RIMS2: variants seen among roughly 807,000 people sequenced by gnomAD.
The protein encoded by RIMS2 is regulating synaptic membrane exocytosis protein 2.
Under a neutral mutation model 174.4 loss-of-function variants are expected in RIMS2, and 59 were observed. That is an observed-to-expected ratio of 0.34 (90% confidence interval 0.27 to 0.42). The LOEUF (loss-of-function observed/expected upper bound fraction) is 0.42, where lower values mean the gene tolerates loss of function less well. Ranked by LOEUF, RIMS2 falls within the 10% of genes least tolerant of loss-of-function variation. The probability of loss-of-function intolerance (pLI) is 1.00; values close to 1 mark genes in which losing one functional copy is unlikely to be tolerated. For synonymous variants in RIMS2, 606 were observed against 572.5 expected (o/e 1.06, Z -0.84); for missense variants, 1,620 against 1,666.3 (o/e 0.97, Z 0.48).
intron 3 of RIMS2, among the ~76,000 whole-genome samples, chr8:103,869,777 G>A (rs79379248): frequency 0.012 from 1,898 of 152,262 alleles, 123 homozygotes; most frequent in Admixed American, 0.11. Flanking sequence ...TAAAAATGGG[G>A]TCTTTGTTGA....
At chr8:104,145,818 G>A (rs944837204) in intron 19 of RIMS2, among the ~76,000 whole-genome samples, 8 of 151,586 alleles carry the variant, frequency 5.3e-5, no homozygotes, top group Non-Finnish European at 1.0e-4. Flanking sequence ...GCTAGATCGC[G>A]CCATTGCACT....
chr8:103,726,881 G>A (rs1276519330), intron 2 of RIMS2, among the ~76,000 whole-genome samples: 2 of 150,794 alleles, frequency 1.3e-5, no homozygotes, highest in Non-Finnish European at 3.0e-5. Flanking sequence ...TGGGATTATA[G>A]GCACGTGCCA....
chr8:103,857,505 T>C (rs1193083853), intron 3 of RIMS2, among the ~76,000 whole-genome samples: 1 of 152,174 alleles, frequency 6.6e-6, no homozygotes, highest in Non-Finnish European at 1.5e-5. Context: ...GTTGTGAAGC[T>C]TACATTTTGC....
intron 2 of RIMS2, among the ~76,000 whole-genome samples, chr8:103,752,696 C>A (rs374111324): frequency 2.6e-5 from 4 of 152,124 alleles, no homozygotes; most frequent in African/African-American, 9.7e-5. Flanking sequence ...TTTGAAGCAA[C>A]TGTGAATGGG....
At chr8:103,682,242 GA>G (rs1228284875) in intron 1 of RIMS2, among the ~76,000 whole-genome samples, 1 of 152,026 alleles carries the variant, frequency 6.6e-6, no homozygotes, top group Non-Finnish European at 1.5e-5. Flanking sequence ...TATATAGGTG[GA>G]AGTTGAAGCC....
intron 19 of RIMS2, among the ~76,000 whole-genome samples, chr8:104,020,601 A>AG (rs1161593321): frequency 1.3e-5 from 2 of 152,012 alleles, no homozygotes; most frequent in Non-Finnish European, 2.9e-5. Flanking sequence ...GATCATGTTA[A>AG]GGGAAAGGAT....
At chr8:103,958,230 GAAC>G (rs546391733) in intron 14 of RIMS2, among the ~76,000 whole-genome samples, 5 of 152,248 alleles carry the variant, frequency 3.3e-5, no homozygotes, top group Admixed American at 6.5e-5. Flanking sequence ...CCATAAAAAA[GAAC>G]AACATCATGT....
At chr8:104,188,220 C>CAGATAGATAGATAGATAGATGAT (rs2098978437) in intron 19 of RIMS2, among the ~76,000 whole-genome samples, 13 of 87,060 alleles carry the variant, frequency 1.5e-4, no homozygotes, top group African/African-American at 5.4e-4. Flanking sequence ...ATGGTTTGTT[C>CAGATAGATAGATAGATAGATGAT]AGATAGATAG....
chr8:104,093,347 C>T, intron 19 of RIMS2, 124 bp from the exon 24 acceptor site: 1 of 611,452 alleles, frequency 1.6e-6, no homozygotes, highest in East Asian at 2.9e-5. Context: ...GTTTTATATG[C>T]AACTGAGTGG....
chr8:104,066,290 A>G (rs912728159), intron 19 of RIMS2, among the ~76,000 whole-genome samples: 6 of 152,174 alleles, frequency 3.9e-5, no homozygotes, highest in Non-Finnish European at 5.9e-5. Flanking sequence ...GAATTTTAAT[A>G]TAGCTTTCCT....
At chr8:104,222,352 A>G (rs1392279633) in intron 19 of RIMS2, among the ~76,000 whole-genome samples, 3 of 152,212 alleles carry the variant, frequency 2.0e-5, no homozygotes, top group African/African-American at 7.2e-5. Flanking sequence ...ATCTTTCAGC[A>G]TATCAAGCAA....
At chr8:104,026,986 G>C (rs2096270847) in intron 19 of RIMS2, among the ~76,000 whole-genome samples, 1 of 152,122 alleles carries the variant, frequency 6.6e-6, no homozygotes, top group Non-Finnish European at 1.5e-5. Context: ...ATGACCATGT[G>C]TCCAAAATTA....
At chr8:103,514,934 CAA>C (rs1011395816) in intron 1 of RIMS2, among the ~76,000 whole-genome samples, 3 of 149,402 alleles carry the variant, frequency 2.0e-5, no homozygotes, top group African/African-American at 7.4e-5. Context: ...AACAAAAAAA[CAA>C]AAAAAAACAC....
intron 1 of RIMS2, among the ~76,000 whole-genome samples, chr8:103,579,190 C>T (rs1374522700): frequency 6.6e-6 from 1 of 151,612 alleles, no homozygotes; most frequent in Non-Finnish European, 1.5e-5. Context: ...ATTGCTTGAG[C>T]CTGGGAGTTC....
intron 1 of RIMS2, among the ~76,000 whole-genome samples, chr8:103,525,129 TAAG>T (rs963462463): frequency 1.3e-5 from 2 of 152,200 alleles, no homozygotes; most frequent in African/African-American, 4.8e-5. Context: ...TTAATCATAA[TAAG>T]AAGAAAGAAG....
chr8:103,816,228 C>A (rs2098717633), intron 3 of RIMS2, among the ~76,000 whole-genome samples: 1 of 152,038 alleles, frequency 6.6e-6, no homozygotes, highest in Non-Finnish European at 1.5e-5. Flanking sequence ...GATGATGTGG[C>A]AGGCTAAAAA....
intron 1 of RIMS2, among the ~76,000 whole-genome samples, chr8:103,506,555 AC>A (rs1823727969): frequency 1.3e-5 from 2 of 151,924 alleles, no homozygotes; most frequent in South Asian, 4.1e-4. Context: ...GAGTAATAAC[AC>A]CTATTTTGAA....
At chr8:103,609,369 T>C (rs1306427316) in intron 1 of RIMS2, among the ~76,000 whole-genome samples, 1 of 152,192 alleles carries the variant, frequency 6.6e-6, no homozygotes. Context: ...AATTAAGTTC[T>C]ATTTGCCAAT....
At chr8:103,890,783 C>T (rs2154521406) in intron 4 of RIMS2, among the ~76,000 whole-genome samples, 1 of 151,938 alleles carries the variant, frequency 6.6e-6, no homozygotes, top group African/African-American at 2.4e-5. Flanking sequence ...GAACATTCTT[C>T]TCAAAGTTTA....
Sources: gnomAD v4.1 joint callset for allele counts (sites outside exome capture counted in the v4.1 genomes callset) on GRCh38, gnomAD v4.1.1 for gene constraint, MANE v1.5 for transcripts, NCBI Gene and HGNC (gene_info 2026-07-23, HGNC 2026-07-21) for gene names.